Variants in REEP3 observed in about 807,000 individuals in gnomAD.
REEP3 encodes the protein receptor expression-enhancing protein 3.
REEP3 carries 20 observed loss-of-function variants against 41.3 expected under a neutral mutation model. That is an observed-to-expected ratio of 0.48 (90% confidence interval 0.34 to 0.70). The LOEUF (loss-of-function observed/expected upper bound fraction) is 0.70, where lower values mean the gene tolerates loss of function less well. Ranked by LOEUF, REEP3 falls within the 30% of genes least tolerant of loss-of-function variation. The pLI, the probability that REEP3 is intolerant of heterozygous loss-of-function variation, is 0.01. For missense variants in REEP3, 271 were observed against 308.8 expected (o/e 0.88, Z 0.92); for synonymous variants, 104 against 101.8 (o/e 1.02, Z -0.13).
At chr10:63,523,734 G>A (rs1013058755) in intron 1 of REEP3, among the ~76,000 whole-genome samples, 3 of 152,232 alleles carry the variant, frequency 2.0e-5, no homozygotes, top group Admixed American at 1.3e-4. Flanking sequence ...AAGCCCAGAG[G>A]AGGAAAAGCC....
intron 1 of REEP3, among the ~76,000 whole-genome samples, chr10:63,528,172 T>G (rs1955384637): frequency 6.6e-6 from 1 of 152,152 alleles, no homozygotes; most frequent in Non-Finnish European, 1.5e-5. Flanking sequence ...TGATCATATT[T>G]TCAGCTGCGT....
At chr10:63,536,592 A>G (rs1169124258) in intron 1 of REEP3, among the ~76,000 whole-genome samples, 1 of 152,210 alleles carries the variant, frequency 6.6e-6, no homozygotes, top group African/African-American at 2.4e-5. Context: ...AAAAAACGTC[A>G]ACAGTTACAT....
At chr10:63,597,264 C>T (rs751692570) in intron 3 of REEP3, among the ~76,000 whole-genome samples, 4 of 152,036 alleles carry the variant, frequency 2.6e-5, no homozygotes, top group African/African-American at 4.8e-5. Flanking sequence ...GATATTTTTT[C>T]GGAGTTCTGA....
At chr10:63,575,213 G>A (rs1955887956) in intron 2 of REEP3, among the ~76,000 whole-genome samples, 1 of 152,142 alleles carries the variant, frequency 6.6e-6, no homozygotes, top group Non-Finnish European at 1.5e-5. Context: ...AGAATTTTGA[G>A]AGCAATTCTT....
At chr10:63,532,662 AAAAAG>A (rs1430536528) in intron 1 of REEP3, among the ~76,000 whole-genome samples, 1 of 151,866 alleles carries the variant, frequency 6.6e-6, no homozygotes, top group East Asian at 1.9e-4. Context: ...TCAAAAAAAA[AAAAAG>A]AAAAGGAGAA....
chr10:63,574,153 CTTA>C, intron 2 of REEP3, among the ~76,000 whole-genome samples: 1 of 152,258 alleles, frequency 6.6e-6, no homozygotes, highest in Admixed American at 6.5e-5. Flanking sequence ...AAATAACATA[CTTA>C]TTGTGCTATT....
chr10:63,540,965 A>G (rs1208710363), intron 1 of REEP3, among the ~76,000 whole-genome samples: 4 of 152,156 alleles, frequency 2.6e-5, no homozygotes, highest in Non-Finnish European at 4.4e-5. Flanking sequence ...CTCTACTAAT[A>G]ATATGAAATT....
At chr10:63,554,013 A>C (rs1275902321) in intron 1 of REEP3, among the ~76,000 whole-genome samples, 2 of 151,930 alleles carry the variant, frequency 1.3e-5, no homozygotes, top group African/African-American at 4.8e-5. Context: ...GAGGCAGGAG[A>C]ATGGCGTGAA....
chr10:63,574,881 A>G (rs1253723680), intron 2 of REEP3, among the ~76,000 whole-genome samples: 3 of 68,876 alleles, frequency 4.4e-5, no homozygotes, highest in Non-Finnish European at 1.0e-4. Context: ...TTTTTGAGAC[A>G]GAGTCTCGCT....
chr10:63,567,985 A>G (rs1955815992), intron 2 of REEP3, among the ~76,000 whole-genome samples: 1 of 152,050 alleles, frequency 6.6e-6, no homozygotes, highest in African/African-American at 2.4e-5. Flanking sequence ...GGGCTCTCAA[A>G]TTTTTCTATC....
intron 6 of REEP3, among the ~76,000 whole-genome samples, chr10:63,619,195 T>C (rs1487171487): frequency 6.6e-6 from 1 of 152,148 alleles, no homozygotes; most frequent in Non-Finnish European, 1.5e-5. Context: ...ATTCCCAGTC[T>C]TGACAAAAGA....
At chr10:63,546,875 A>G (rs1955582893) in intron 1 of REEP3, among the ~76,000 whole-genome samples, 2 of 152,224 alleles carry the variant, frequency 1.3e-5, no homozygotes, top group African/African-American at 4.8e-5. Flanking sequence ...ATCACAGATA[A>G]AAATAAAACA....
intron 1 of REEP3, among the ~76,000 whole-genome samples, chr10:63,528,195 G>A (rs970371578): frequency 4.6e-5 from 7 of 152,024 alleles, no homozygotes; most frequent in South Asian, 2.1e-4. Context: ...TTTGCTCCAC[G>A]TGGAAACATC....
chr10:63,543,902 G>A (rs984562907), intron 1 of REEP3, among the ~76,000 whole-genome samples: 7 of 152,180 alleles, frequency 4.6e-5, no homozygotes, highest in African/African-American at 1.7e-4. Flanking sequence ...ACAGCAAGAT[G>A]TGTACTATTA....
intron 1 of REEP3, among the ~76,000 whole-genome samples, chr10:63,534,544 C>T (rs1955456961): frequency 6.6e-6 from 1 of 152,226 alleles, no homozygotes; most frequent in Non-Finnish European, 1.5e-5. Context: ...GCCACTACAA[C>T]CAGTTTTGAA....
At chr10:63,583,114 C>T (rs1348490275) in intron 2 of REEP3, among the ~76,000 whole-genome samples, 2 of 152,130 alleles carry the variant, frequency 1.3e-5, no homozygotes, top group Admixed American at 6.6e-5. Flanking sequence ...GCCTCTGCCT[C>T]CCAAGTAGCT....
chr10:63,598,410 G>A (rs1238521426), intron 4 of REEP3, among the ~76,000 whole-genome samples: 6 of 150,626 alleles, frequency 4.0e-5, no homozygotes, highest in Admixed American at 2.0e-4. Flanking sequence ...CTTGAACCCA[G>A]GAGACGGAGG....
At chr10:63,594,707 A>C in intron 2 of REEP3, 71 bp from the exon 3 acceptor site, 1 of 912,140 alleles carries the variant, frequency 1.1e-6, no homozygotes, top group South Asian at 1.3e-5. Flanking sequence ...AAATACATAC[A>C]TACATACATA....
At chr10:63,522,725 C>G (rs1300529629) in intron 1 of REEP3, among the ~76,000 whole-genome samples, 3 of 152,192 alleles carry the variant, frequency 2.0e-5, no homozygotes, top group Admixed American at 6.5e-5. Flanking sequence ...ATTACTAGCC[C>G]TATTTAATCA....
Sources: allele counts gnomAD v4.1 joint callset (sites outside exome capture counted in the v4.1 genomes callset), GRCh38; gene constraint gnomAD v4.1.1; transcripts MANE v1.5; gene names NCBI Gene and HGNC (gene_info 2026-07-23, HGNC 2026-07-21).